The following ZFHX3 variants were observed in gnomAD, a reference collection of about 807,000 sequenced individuals.
ZFHX3 encodes zinc finger homeobox 3.
ZFHX3 carries 42 observed loss-of-function variants against 279.1 expected under a neutral mutation model. The ratio of observed to expected loss-of-function variants is 0.15; its 90% CI spans 0.12 to 0.19. The LOEUF is 0.19. Ranked by LOEUF, ZFHX3 falls within the 10% of genes least tolerant of loss-of-function variation. ZFHX3 has a pLI of 1.00. For synonymous variants in ZFHX3, 2,293 were observed against 1,957.8 expected (o/e 1.17, Z -4.52); for missense variants, 4,981 against 4,754.0 (o/e 1.05, Z -1.40).
chr16:73,483,414 G>A (rs1444110638), intron 2 of ZFHX3: 1 of 455,442 alleles, frequency 2.2e-6, no homozygotes, highest in Non-Finnish European at 4.4e-6. Context: ...AAAAGGGCTG[G>A]AAGAAAAGAT....
intron 4 of ZFHX3, among the ~76,000 whole-genome samples, chr16:73,263,729 C>A (rs940466898): frequency 1.3e-5 from 2 of 152,236 alleles, no homozygotes; most frequent in African/African-American, 2.4e-5. Context: ...TCCTGTCCCA[C>A]CTCTTACTTC....
chr16:73,246,015 G>A (rs920287262), intron 5 of ZFHX3, among the ~76,000 whole-genome samples: 1 of 152,090 alleles, frequency 6.6e-6, no homozygotes, highest in East Asian at 1.9e-4. Context: ...CAGGACAGAG[G>A]CCATTCCCCT....
intron 4 of ZFHX3, among the ~76,000 whole-genome samples, chr16:72,838,180 C>T (rs537513326): frequency 8.5e-5 from 13 of 152,244 alleles, no homozygotes; most frequent in African/African-American, 2.6e-4. Flanking sequence ...TGGCATCAGG[C>T]TCTAAGAATC....
intron 1 of ZFHX3, among the ~76,000 whole-genome samples, chr16:73,852,270 G>A (rs1014226211): frequency 3.3e-5 from 5 of 152,082 alleles, no homozygotes; most frequent in East Asian, 3.9e-4. Context: ...AACACAACAC[G>A]TCTTCATCAG....
intron 1 of ZFHX3, among the ~76,000 whole-genome samples, chr16:72,970,396 G>A (rs986169821): frequency 6.6e-6 from 1 of 152,062 alleles, no homozygotes; most frequent in Non-Finnish European, 1.5e-5. Context: ...ACTTGAGTAC[G>A]TAAGTCTCTA....
chr16:73,497,537 G>A (rs1262509684), intron 2 of ZFHX3, among the ~76,000 whole-genome samples: 1 of 152,126 alleles, frequency 6.6e-6, no homozygotes, highest in Non-Finnish European at 1.5e-5. Context: ...GGGTGTGGAA[G>A]CATATGCCTG....
intron 2 of ZFHX3, among the ~76,000 whole-genome samples, chr16:73,658,716 A>AT (rs2052749146): frequency 2.0e-5 from 3 of 152,230 alleles, no homozygotes; most frequent in Admixed American, 6.5e-5. Context: ...ATTTAAAATG[A>AT]TTTTTAAAAG....
chr16:72,958,860 T>C lies in ZFHX3; in HGVS notation c.1286A>G (p.Lys429Arg), dbSNP rs766017968. The change falls in exon 2 of 10, where the codon AAA becomes AGA. Residue 429 changes from lysine (K) to arginine (R), a missense_variant. Transcript: ENST00000268489. Reference sequence around the variant, plus strand: ...CCCAGAGTCCTTGCCCTCTGAGGATTTGGTAGGACTGGAAGCCAGAGGCCC... The same window carrying C: ...CCCAGAGTCCTTGCCCTCTGAGGATCTGGTAGGACTGGAAGCCAGAGGCCC... ...PLGPLASSPT[K>R]SSEGKDSGAA... 7 of 1,613,478 alleles carry C rather than the reference T, an allele frequency of 4.3e-6. No individual in the cohort carries two copies. The Admixed American group carries it at 6.7e-5, about 15-fold the overall frequency.
chr16:72,952,445 C>A (rs1209209969), intron 2 of ZFHX3, among the ~76,000 whole-genome samples: 1 of 152,178 alleles, frequency 6.6e-6, no homozygotes, highest in Non-Finnish European at 1.5e-5. Context: ...ATCACTCAGT[C>A]ACCTACCTAC....
intron 1 of ZFHX3, among the ~76,000 whole-genome samples, chr16:73,792,856 A>ACCCC (rs55813623): frequency 8.9e-5 from 12 of 135,188 alleles, no homozygotes; most frequent in East Asian, 2.2e-4. Flanking sequence ...CATACAGTGC[A>ACCCC]CCCCCCCCCT....
chr16:73,729,978 C>G lies in ZFHX3; in HGVS notation c.-1607-49738G>C, dbSNP rs115059078. 4.0e-3 allele frequency among the ~76,000 whole-genome samples: 603 copies of G among 152,152 alleles called. 3 individuals carry two copies. The highest frequency in any genetic ancestry group is 0.013 in the African/African-American group (557 of 41,496). On this transcript the variant is annotated intron_variant, in intron 1 of 17. Transcript: ENST00000641206. ...AACTTCAAGTTTGATCATATCAAAC[C>G]AAATGGGATTAACTCTACTAAGAAT...
intron 2 of ZFHX3, among the ~76,000 whole-genome samples, chr16:73,613,220 C>A (rs369779005): frequency 3.9e-5 from 6 of 152,254 alleles, no homozygotes; most frequent in African/African-American, 1.4e-4. Flanking sequence ...TCACCTGGAC[C>A]CGCCAGAGCT....
intron 1 of ZFHX3, among the ~76,000 whole-genome samples, chr16:73,053,549 G>C (rs186609177): frequency 6.6e-6 from 1 of 152,300 alleles, no homozygotes; most frequent in Non-Finnish European, 1.5e-5. Flanking sequence ...CAGGGGCAAA[G>C]TGGGGGGAGG....
At chr16:73,718,004 C>T (rs1167846669) in intron 1 of ZFHX3, among the ~76,000 whole-genome samples, 1 of 152,190 alleles carries the variant, frequency 6.6e-6, no homozygotes, top group Admixed American at 6.5e-5. Context: ...GTGGTGCTTC[C>T]TTGAAAGGAT....
intron 5 of ZFHX3, among the ~76,000 whole-genome samples, chr16:73,199,797 G>A (rs561363380): frequency 4.0e-4 from 61 of 152,242 alleles, no homozygotes; most frequent in African/African-American, 1.4e-3. Context: ...GGGTGAACGA[G>A]GCCAACTCCA....
intron 1 of ZFHX3, among the ~76,000 whole-genome samples, chr16:73,851,703 G>A (rs115598348): frequency 1.1e-3 from 162 of 152,176 alleles, no homozygotes; most frequent in African/African-American, 3.7e-3. Context: ...TTCTAATAAC[G>A]AACCAATACT....
At chr16:73,325,952 G>C (rs1022356784) in intron 3 of ZFHX3, among the ~76,000 whole-genome samples, 20 of 97,952 alleles carry the variant, frequency 2.0e-4, no homozygotes, top group Non-Finnish European at 3.6e-4. Context: ...CACACACACA[G>C]GGGAGAGTAT....
chr16:73,841,765 C>G (rs1359865493), intron 1 of ZFHX3, among the ~76,000 whole-genome samples: 1 of 152,120 alleles, frequency 6.6e-6, no homozygotes, highest in Admixed American at 6.6e-5. Context: ...TTGAATCAGA[C>G]CAAATTTCAT....
In ZFHX3 at chr16:73,807,620, ATTT is replaced by A. The variant is rs55806545; in HGVS notation, c.-1608+84028_-1608+84030del. On this transcript the variant is annotated intron_variant, in intron 1 of 17. Coordinates refer to the ZFHX3 transcript ENST00000641206. The stretch of plus-strand genomic sequence containing the variant: ...TACAGGCACATTCCACCATGCCCCA[ATTT>A]TTTTTTTTTTTTTTTTTTTTTTTTT... Among the ~76,000 whole-genome samples, 349 of 70,542 alleles carry A rather than the reference ATTT, an allele frequency of 4.9e-3. 4 individuals carry two copies. Among genetic ancestry groups the A allele is most frequent in the African/African-American group, 0.014 (263 of 18,246 alleles). 46.3% of individuals were successfully genotyped at this position (70,542 alleles called of 152,430 possible).
Sources: gnomAD v4.1 joint callset for allele counts (sites outside exome capture counted in the v4.1 genomes callset) on GRCh38, gnomAD v4.1.1 for gene constraint, MANE v1.5 for transcripts, NCBI Gene and HGNC (gene_info 2026-07-23, HGNC 2026-07-21) for gene names.